The following ELP4 variants were observed in gnomAD, a reference collection of about 807,000 sequenced individuals.
ELP4 encodes the protein elongator acetyltransferase complex subunit 4.
A neutral mutation model predicts 48.9 loss-of-function variants in ELP4; 51 were observed. That is an observed-to-expected ratio of 1.04 (90% CI 0.83 to 1.32). The LOEUF (loss-of-function observed/expected upper bound fraction) is 1.32. Ranked by LOEUF, ELP4 falls within the 40% of genes most tolerant of loss-of-function variation. ELP4 has a pLI of 0.00. For missense variants in ELP4, 519 were observed against 514.6 expected, an observed-to-expected ratio of 1.01 and a Z score of -0.08; for synonymous variants, 210 against 189.2, an observed-to-expected ratio of 1.11 and a Z score of -0.90.
chr11:31,733,285 G>T (rs932556862), intron 9 of ELP4, among the ~76,000 whole-genome samples: 3 of 152,008 alleles, frequency 2.0e-5, no homozygotes, highest in Non-Finnish European at 2.9e-5. Flanking sequence ...AGACCAGCCT[G>T]GCCAACATGG....
chr11:31,563,662 A>G (rs1267075133), intron 3 of ELP4, among the ~76,000 whole-genome samples: 3 of 152,174 alleles, frequency 2.0e-5, no homozygotes, highest in Admixed American at 2.0e-4. Context: ...TAATTTTCTA[A>G]TCTGTTTCAT....
chr11:31,682,216 C>A, intron 9 of ELP4: 2 of 511,560 alleles, frequency 3.9e-6, no homozygotes, highest in South Asian at 4.7e-5. Context: ...TTGATATTTG[C>A]CAGGATCTGA....
intron 9 of ELP4, chr11:31,714,854 T>G (rs1315293350): frequency 7.5e-6 from 3 of 398,402 alleles, no homozygotes; most frequent in Non-Finnish European, 1.3e-5. Flanking sequence ...TCCTTGTAAT[T>G]ACATTGGACC....
chr11:31,753,006 A>G (rs1366713877), intron 9 of ELP4, among the ~76,000 whole-genome samples: 1 of 152,100 alleles, frequency 6.6e-6, no homozygotes, highest in Non-Finnish European at 1.5e-5. Context: ...CGGTTTACTC[A>G]TCTGTATAAG....
At chr11:31,510,077 C>T in intron 1 of ELP4, 70 bp downstream of exon 1, 1 of 1,429,460 alleles carries the variant, frequency 7.0e-7, no homozygotes, top group South Asian at 1.2e-5. Flanking sequence ...GGGGAAGCCA[C>T]TTTGACCCCA....
At chr11:31,578,343 T>C (rs1238164123) in intron 3 of ELP4, among the ~76,000 whole-genome samples, 1 of 152,174 alleles carries the variant, frequency 6.6e-6, no homozygotes, top group Non-Finnish European at 1.5e-5. Flanking sequence ...AGAATCAACC[T>C]TGTGAAAATG....
chr11:31,664,900 TGCGC>T (rs1945639300), intron 9 of ELP4, among the ~76,000 whole-genome samples: 1 of 152,188 alleles, frequency 6.6e-6, no homozygotes, highest in Admixed American at 6.5e-5. Flanking sequence ...TATTAATCAA[TGCGC>T]AATTAATAAT....
At chr11:31,738,994 T>C (rs1947386460) in intron 9 of ELP4, among the ~76,000 whole-genome samples, 2 of 152,164 alleles carry the variant, frequency 1.3e-5, no homozygotes, top group East Asian at 3.9e-4. Flanking sequence ...TAGAGATCTG[T>C]GTACAACATT....
intron 3 of ELP4, among the ~76,000 whole-genome samples, chr11:31,559,917 A>C (rs529230091): frequency 6.6e-6 from 1 of 151,818 alleles, no homozygotes; most frequent in South Asian, 2.1e-4. Flanking sequence ...AAAAAAAAAA[A>C]AAAAGGCAAA....
At chr11:31,662,390 G>A (rs1408290771) in intron 9 of ELP4, 3 of 392,448 alleles carry the variant, frequency 7.6e-6, no homozygotes, top group Non-Finnish European at 9.0e-6. Context: ...CTATGCCCCT[G>A]TTGCAATAGA....
chr11:31,755,915 T>C (rs916747168), intron 9 of ELP4, among the ~76,000 whole-genome samples: 1 of 152,186 alleles, frequency 6.6e-6, no homozygotes, highest in African/African-American at 2.4e-5. Flanking sequence ...AACACCTGGT[T>C]CCTTGTGGAG....
intron 9 of ELP4, chr11:31,662,832 C>T (rs931852064): frequency 8.9e-6 from 3 of 335,490 alleles, no homozygotes; most frequent in East Asian, 8.5e-5. Flanking sequence ...GAGAAAATAC[C>T]TAGATTTCAT....
chr11:31,767,453 G>C (rs1424175745), intron 9 of ELP4: 1 of 150,618 alleles, frequency 6.6e-6, no homozygotes, highest in Non-Finnish European at 1.5e-5. Flanking sequence ...ACATATAAAA[G>C]CAAATTACTT....
chr11:31,681,361 C>A (rs1261911183), intron 9 of ELP4, among the ~76,000 whole-genome samples: 2 of 152,186 alleles, frequency 1.3e-5, no homozygotes, highest in Non-Finnish European at 2.9e-5. Flanking sequence ...TGTTTGTAAA[C>A]ATGCATATCA....
rs757792983 is a variant in ELP4 at position 31,668,675 on chromosome 11, C to CATGTGTGTGTGTGTGTGTGTGTGTGT, written c.1143+18454_1143+18455insATGTGTGTGTGTGTGTGTGTGTGTGT. ...ATCGGAATGAAATTTCCTTTGGTACCGTGTGTGTGTGTGTGTGTGTGTGTG... is the reference window on the plus strand; with the variant it reads ...ATCGGAATGAAATTTCCTTTGGTACCATGTGTGTGTGTGTGTGTGTGTGTGTGTGTGTGTGTGTGTGTGTGTGTGTG... On this transcript the variant is annotated intron_variant, in intron 9 of 9. Coordinates refer to ENST00000640961, the MANE Select transcript of ELP4 (RefSeq NM_019040.5). Among the ~76,000 whole-genome samples the CATGTGTGTGTGTGTGTGTGTGTGTGT allele has an allele frequency of 2.9e-3, 357 of 121,070 alleles. 38 individuals carry two copies. The highest frequency in any genetic ancestry group is 0.018 in the East Asian group (66 of 3,664). 79.4% of individuals were successfully genotyped at this position (121,070 alleles called of 152,430 possible). A position where few individuals can be genotyped will look rare whatever the true frequency, so the allele number is the denominator to read the frequency against.
At chr11:31,553,035 A>G (rs1956876906) in intron 3 of ELP4, among the ~76,000 whole-genome samples, 1 of 152,182 alleles carries the variant, frequency 6.6e-6, no homozygotes, top group Admixed American at 6.5e-5. Flanking sequence ...AACTACCCTA[A>G]TAAATGTTAC....
chr11:31,770,081 G>A (rs1948105989), intron 9 of ELP4, among the ~76,000 whole-genome samples: 1 of 152,138 alleles, frequency 6.6e-6, no homozygotes, highest in African/African-American at 2.4e-5. Flanking sequence ...GGCAATAGCA[G>A]CAGCAGGCAC....
intron 7 of ELP4, chr11:31,633,665 A>T (rs558724415): frequency 6.6e-6 from 1 of 152,108 alleles, no homozygotes; most frequent in African/African-American, 2.4e-5. Flanking sequence ...AAGTTATCAT[A>T]AATTTAGTAC....
intron 8 of ELP4, chr11:31,648,522 A>C (rs909109706): frequency 3.3e-5 from 5 of 151,578 alleles, no homozygotes; most frequent in African/African-American, 1.2e-4. Context: ...TGTAGTATTT[A>C]GGTCTTAGTA....
Sources: allele counts gnomAD v4.1 joint callset (sites outside exome capture counted in the v4.1 genomes callset), GRCh38; gene constraint gnomAD v4.1.1; transcripts MANE v1.5; gene names NCBI Gene and HGNC (gene_info 2026-07-23, HGNC 2026-07-21).